The following CCDC60 variants were observed in gnomAD, a reference collection of about 807,000 sequenced individuals.
CCDC60 encodes the protein coiled-coil domain containing 60.
A neutral mutation model predicts 63.5 loss-of-function variants in CCDC60; 54 were observed. The observed-to-expected ratio is 0.85, with a 90% CI of 0.68 to 1.07. The LOEUF (loss-of-function observed/expected upper bound fraction) is 1.07, where lower values mean the gene tolerates loss of function less well. Among genes scored for constraint, CCDC60 ranks in the 50% least tolerant of loss-of-function variants. The pLI is 0.00. For missense variants in CCDC60, 651 were observed against 684.3 expected, an observed-to-expected ratio of 0.95 and a Z score of 0.54; for synonymous variants, 206 against 238.8, an observed-to-expected ratio of 0.86 and a Z score of 1.27.
At position 119,492,343 on chromosome 12, in the gene CCDC60, C is replaced by T. The variant is rs574742826; in HGVS notation, c.557+3477C>T. On this transcript the variant is annotated intron_variant, in intron 5 of 13. Transcript: ENST00000327554. ...TTCAATCTTACCAACATGGTATCAC[C>T]GAACTTGGAGTTGGGAAGAGAGGTA... Among the ~76,000 whole-genome samples the T allele has an allele frequency of 5.9e-5, 9 of 152,166 alleles. No individual in the cohort carries two copies. In the South Asian group the frequency reaches 1.0e-3, roughly 18 times the overall value.
Position 119,520,206 on chromosome 12 carries a change from G to A in CCDC60, c.1040+14G>A, listed in dbSNP as rs764987237. On this transcript the variant is annotated intron_variant, in intron 9 of 13. Coordinates refer to ENST00000327554, the MANE Select transcript of CCDC60 (RefSeq NM_178499.5). ...TCTCAAATCAAGGTAGGAAAGCCTGGAGCCTGCAGCAGGTGCCTCCGAAGG... is the reference window on the plus strand; with the variant it reads ...TCTCAAATCAAGGTAGGAAAGCCTGAAGCCTGCAGCAGGTGCCTCCGAAGG... The A allele has an allele frequency of 4.0e-5, 64 of 1,612,290 alleles. No individual in the cohort carries two copies. The highest frequency in any genetic ancestry group is 4.7e-5 in the Non-Finnish European group (55 of 1,178,940).
chr12:119,404,963 C>T (rs1486618654), intron 1 of CCDC60, among the ~76,000 whole-genome samples: 1 of 152,212 alleles, frequency 6.6e-6, no homozygotes, highest in African/African-American at 2.4e-5. Context: ...CATGATGAAC[C>T]TGCTTGGGTC....
Position 119,387,034 on chromosome 12 carries a change from T to TCACACACACACACACACACACA in CCDC60, c.91-41629_91-41608dup, listed in dbSNP as rs1555233707. ...CTCCCTCCCTCCCCCTCTGTCTCTC[T>TCACACACACACACACACACACA]CACACACACACACACACACACACAC... On this transcript the variant is annotated intron_variant, in intron 1 of 13. Coordinates refer to ENST00000327554, the MANE Select transcript of CCDC60 (RefSeq NM_178499.5). Among the ~76,000 whole-genome samples, 2 of 105,404 alleles carry TCACACACACACACACACACACA rather than the reference T, an allele frequency of 1.9e-5. 1 individual carries two copies. Among genetic ancestry groups the TCACACACACACACACACACACA allele is most frequent in the East Asian group, 7.7e-4 (2 of 2,596 alleles). 69.1% of individuals were successfully genotyped at this position (105,404 alleles called of 152,430 possible).
chr12:119,494,520 C>T (rs1304296398), intron 5 of CCDC60, among the ~76,000 whole-genome samples: 1 of 152,188 alleles, frequency 6.6e-6, no homozygotes, highest in Admixed American at 6.5e-5. Flanking sequence ...GGTGTAATCC[C>T]TACGCTTACA....
At position 119,410,502 on chromosome 12, in the gene CCDC60, C is replaced by T. The variant is rs1956576578; in HGVS notation, c.91-18181C>T. Among the ~76,000 whole-genome samples, 1 of 152,040 alleles carries T rather than the reference C, an allele frequency of 6.6e-6. No individual in the cohort carries two copies. Among genetic ancestry groups the T allele is most frequent in the Non-Finnish European group, 1.5e-5 (1 of 68,002 alleles). ...CGAAATGGCTTCTCAACAGCATTAC[C>T]AGCTTCAGGAATGTTCTCTCCTGCC... On this transcript the variant is annotated intron_variant, in intron 1 of 13. Transcript: ENST00000327554. The surrounding 1 kb of genome is among the most constrained non-coding windows in gnomAD (Gnocchi z 4.0).
chr12:119,348,054 A>G (rs974736885), intron 1 of CCDC60, among the ~76,000 whole-genome samples: 2 of 152,228 alleles, frequency 1.3e-5, no homozygotes, highest in Non-Finnish European at 2.9e-5. Flanking sequence ...CCTTGAAGAA[A>G]ATGCCCAAAA....
At chr12:119,467,738 G>A (rs1289449583) in intron 2 of CCDC60, among the ~76,000 whole-genome samples, 1 of 152,240 alleles carries the variant, frequency 6.6e-6, no homozygotes, top group Non-Finnish European at 1.5e-5. Flanking sequence ...AAAAGCAGTT[G>A]CTGTCACATC....
intron 8 of CCDC60, among the ~76,000 whole-genome samples, chr12:119,519,434 T>TGTGTGC (rs1262823056): frequency 1.6e-4 from 19 of 122,006 alleles, no homozygotes; most frequent in Non-Finnish European, 3.2e-4. Context: ...TGTGTGTGTG[T>TGTGTGC]GCGCGTGTGT....
At chr12:119,344,098 T>C (rs1955561312) in intron 1 of CCDC60, among the ~76,000 whole-genome samples, 1 of 152,142 alleles carries the variant, frequency 6.6e-6, no homozygotes, top group Non-Finnish European at 1.5e-5. Context: ...CAGCAGAGTT[T>C]CTCAAATTTG....
chr12:119,425,455 A>C (rs1004388235), intron 1 of CCDC60, among the ~76,000 whole-genome samples: 3 of 152,136 alleles, frequency 2.0e-5, no homozygotes, highest in African/African-American at 7.2e-5. Flanking sequence ...CTGTTTTGCC[A>C]CTCCCAAGAG....
At chr12:119,440,669 T>G (rs1320062286) in intron 2 of CCDC60, among the ~76,000 whole-genome samples, 1 of 151,650 alleles carries the variant, frequency 6.6e-6, no homozygotes, top group Non-Finnish European at 1.5e-5. Flanking sequence ...TACCGGGAAG[T>G]AGTCTCAGGA....
chr12:119,507,553 T>G (rs1310168007), intron 7 of CCDC60, among the ~76,000 whole-genome samples: 1 of 48,902 alleles, frequency 2.0e-5, no homozygotes, highest in Non-Finnish European at 3.6e-5. Flanking sequence ...TATATATACA[T>G]ATATATATAT....
rs773514451 is a variant in CCDC60, at chr12:119,472,155, C to T, written c.332C>T (p.Thr111Ile). The change falls in exon 3 of 14, where the codon ACC becomes ATC. Residue 111 changes from threonine to isoleucine, a missense_variant. Coordinates refer to ENST00000327554, the MANE Select transcript of CCDC60 (RefSeq NM_178499.5). ...ATCTCAGAAATCCACTATGGGGACA[C>T]CTTATTGAGGTAAGTGGATGCAGTA... ...EKISEIHYGD[T>I]LLSTYDDEKL... The T allele has an allele frequency of 7.4e-6, 12 of 1,611,804 alleles. No homozygotes were observed. The highest frequency in any genetic ancestry group is 1.0e-5 in the Non-Finnish European group (12 of 1,178,550).
rs541556036 is a variant in CCDC60 at position 119,352,300 on chromosome 12, G to A, written c.90+17034G>A. 1.0e-3 allele frequency among the ~76,000 whole-genome samples: 158 copies of A among 152,274 alleles called. 1 individual carries two copies. The highest frequency in any genetic ancestry group is 3.6e-3 in the African/African-American group (150 of 41,550). On this transcript the variant is annotated intron_variant, in intron 1 of 13. Coordinates refer to ENST00000327554, the MANE Select transcript of CCDC60 (RefSeq NM_178499.5). ...TACAGTTCAACCTGAGATTTGAATG[G>A]GGACATGGGTCCAAACCATATCACT...
intron 1 of CCDC60, among the ~76,000 whole-genome samples, chr12:119,407,841 A>G (rs1324663692): frequency 6.6e-6 from 1 of 152,164 alleles, no homozygotes; most frequent in African/African-American, 2.4e-5. Flanking sequence ...TTTAAAACCA[A>G]GTCTGTCTGA....
At chr12:119,367,398 C>T (rs1321353791) in intron 1 of CCDC60, among the ~76,000 whole-genome samples, 2 of 152,190 alleles carry the variant, frequency 1.3e-5, no homozygotes, top group Non-Finnish European at 2.9e-5. Context: ...TCATAGCTTT[C>T]CTTCCCTACA....
intron 1 of CCDC60, among the ~76,000 whole-genome samples, chr12:119,376,990 C>T (rs1349637152): frequency 1.3e-5 from 2 of 152,082 alleles, no homozygotes; most frequent in Non-Finnish European, 2.9e-5. Context: ...CACAGTGGCT[C>T]ACACCTGTAA....
intron 4 of CCDC60, among the ~76,000 whole-genome samples, chr12:119,485,385 C>T (rs1951410396): frequency 3.9e-5 from 6 of 152,192 alleles, no homozygotes; most frequent in Admixed American, 3.9e-4. Context: ...CGGACGGGGC[C>T]TCATGTGTGT....
At position 119,456,035 on chromosome 12, in the gene CCDC60, G is replaced by GAA. The variant is rs1401840287; in HGVS notation, c.171-15957_171-15956dup. ...AGAAAGAAAGAAAGAAAGAAAGAAA[G>GAA]AAAGAAAGAAAGAAAGAAAGAAAGA... On this transcript the variant is annotated intron_variant, in intron 2 of 13. Coordinates refer to ENST00000327554, the MANE Select transcript of CCDC60 (RefSeq NM_178499.5). The surrounding 1 kb of genome is among the most constrained non-coding windows in gnomAD (Gnocchi z 4.6). Among the ~76,000 whole-genome samples, 2 of 143,880 alleles carry GAA rather than the reference G, an allele frequency of 1.4e-5. No homozygotes were observed. The highest frequency in any genetic ancestry group is 7.2e-3 in the Middle Eastern group (2 of 276). The allele number at this position is 143,880 out of a possible 152,430, so 94.4% of individuals were successfully genotyped here. A position where few individuals can be genotyped will look rare whatever the true frequency, so the allele number is the denominator to read the frequency against.
Sources: gnomAD v4.1 joint callset for allele counts (sites outside exome capture counted in the v4.1 genomes callset) on GRCh38, gnomAD v4.1.1 for gene constraint, Gnocchi (gnomAD v3.1) non-coding constraint, MANE v1.5 for transcripts, NCBI Gene and HGNC (gene_info 2026-07-23, HGNC 2026-07-21) for gene names.